Variants in DEPDC1 observed in about 807,000 individuals in gnomAD.
The protein encoded by DEPDC1 is DEP domain-containing protein 1A.
DEPDC1 carries 66 observed loss-of-function variants against 86.8 expected under a neutral mutation model. The ratio of observed to expected loss-of-function variants is 0.76; its 90% CI spans 0.62 to 0.93. The LOEUF is 0.93. Among genes scored for constraint, DEPDC1 ranks in the 40% least tolerant of loss-of-function variants. DEPDC1 has a pLI of 0.00. For synonymous variants in DEPDC1, 255 were observed against 314.9 expected (o/e 0.81, Z 2.02); for missense variants, 792 against 935.7 (o/e 0.85, Z 2.00).
rs1052656353 is a variant in DEPDC1, at chr1:68,488,603, A to T, written c.591-99T>A. The T allele has an allele frequency of 3.7e-6, 4 of 1,076,556 alleles. No homozygotes were observed. The African/African-American group carries it at 6.7e-5, about 18-fold the overall frequency. The allele number at this position is 1,076,556 out of a possible 1,614,324, so 66.7% of individuals were successfully genotyped here. A position where few individuals can be genotyped will look rare whatever the true frequency, so the allele number is the denominator to read the frequency against. ...AGCCATCAGAATATTTTATTTTTTT[A>T]ACCAAATTTCTAAGACTTATATTTA... On this transcript the variant is annotated intron_variant, in intron 4 of 11. Transcript: ENST00000456315.
At position 68,496,915 on chromosome 1, in the gene DEPDC1, G is replaced by A. The variant is rs1557624970; in HGVS notation, c.48+37C>T. On this transcript the variant is annotated intron_variant, in intron 1 of 11. Coordinates refer to ENST00000456315, the MANE Select transcript of DEPDC1 (RefSeq NM_001114120.3). This position sits in a 1 kb window ranked among gnomAD's most constrained non-coding sequence, Gnocchi z 4.0. ...CTGCGAACAGTGGTGACTGCCGTCA[G>A]CCCGCTGACCGGTCCCGTCTATCCG... 5.0e-6 allele frequency: 8 copies of A among 1,605,630 alleles called. No homozygotes were observed. Among genetic ancestry groups the A allele is most frequent in the Non-Finnish European group, 6.8e-6 (8 of 1,175,004 alleles).
At chr1:68,494,151 A>G (rs181628255) in intron 2 of DEPDC1, among the ~76,000 whole-genome samples, 1 of 152,360 alleles carries the variant, frequency 6.6e-6, no homozygotes, top group African/African-American at 2.4e-5. Context: ...TTAAAATGTT[A>G]TAAAGTGTTC....
intron 2 of DEPDC1, among the ~76,000 whole-genome samples, chr1:68,492,459 C>T (rs915356260): frequency 1.3e-5 from 2 of 152,062 alleles, no homozygotes; most frequent in African/African-American, 2.4e-5. Flanking sequence ...GTAATCCCAG[C>T]ACTTTGGAAG....
intron 5 of DEPDC1, among the ~76,000 whole-genome samples, chr1:68,488,077 C>T (rs1369309387): frequency 1.3e-5 from 2 of 151,802 alleles, no homozygotes; most frequent in African/African-American, 4.8e-5. Context: ...AGGCCCTCAA[C>T]AAAAATGTGC....
At chr1:68,495,423 G>T (rs1646258466) in intron 1 of DEPDC1, among the ~76,000 whole-genome samples, 2 of 152,058 alleles carry the variant, frequency 1.3e-5, no homozygotes, top group South Asian at 4.2e-4. Context: ...CTATGAATAG[G>T]TACTATTAAT....
At position 68,476,757 on chromosome 1, in the gene DEPDC1, T is replaced by A. The variant is rs1033088818; in HGVS notation, c.*175A>T. On this transcript the variant is annotated 3_prime_UTR_variant, in exon 12 of 12. Coordinates refer to ENST00000456315, the MANE Select transcript of DEPDC1 (RefSeq NM_001114120.3). The stretch of plus-strand genomic sequence containing the variant: ...TATTGTTATGTGCTCTCAATTGAGA[T>A]CTAGTTAGTTTCCTAAGAGTCTCAC... 24 of 536,394 alleles carry A rather than the reference T, an allele frequency of 4.5e-5. No individual in the cohort carries two copies. Among genetic ancestry groups the A allele is most frequent in the African/African-American group, 4.2e-4 (22 of 51,774 alleles). 33.2% of individuals were successfully genotyped at this position (536,394 alleles called of 1,614,324 possible).
chr1:68,491,298 G>C (rs1646227483), intron 2 of DEPDC1, among the ~76,000 whole-genome samples: 1 of 152,030 alleles, frequency 6.6e-6, no homozygotes, highest in Non-Finnish European at 1.5e-5. Context: ...CAAAGGTCTA[G>C]TATCCAGCAT....
At chr1:68,487,194 GA>G (rs1391552994) in intron 5 of DEPDC1, among the ~76,000 whole-genome samples, 1 of 151,854 alleles carries the variant, frequency 6.6e-6, no homozygotes, top group African/African-American at 2.4e-5. Flanking sequence ...GAAAAAGTCT[GA>G]AAAAATTATG....
chr1:68,482,551 C>G lies in DEPDC1; in HGVS notation c.1257G>C (p.Arg419Ser). ...MHDLSSNSKP[R>S]CCSLEGIVDV... ...CTACAATTCCTTCCAAAGAACAGCA[C>G]CTTGGTTTGCTGTTAGAGGATAGAT... is the stretch of plus-strand genomic sequence containing the variant. Residue 419 changes from arginine (R) to serine (S), a missense_variant, in exon 8 of 12, where the codon AGG (arginine) becomes AGC (serine). Arg to Ser is a moderately radical substitution (Grantham distance 110, BLOSUM62 -1). Coordinates refer to ENST00000456315, the MANE Select transcript of DEPDC1 (RefSeq NM_001114120.3). 1 of 1,613,148 alleles carries G rather than the reference C, an allele frequency of 6.2e-7. No homozygotes were observed. The highest frequency in any genetic ancestry group is 8.5e-7 in the Non-Finnish European group (1 of 1,179,350).
At chr1:68,485,164 TCACA>T (rs57417497) in intron 6 of DEPDC1, among the ~76,000 whole-genome samples, 73,836 of 149,330 alleles carry the variant, frequency 0.49, 19,036 homozygotes, top group Middle Eastern at 0.76. Context: ...AGAAAACAAT[TCACA>T]CACACACACA....
In DEPDC1 at chr1:68,496,906, C is replaced by T; in HGVS notation, c.48+46G>A. 2 of 1,576,292 alleles carry T rather than the reference C, an allele frequency of 1.3e-6. 1 individual carries two copies. Among genetic ancestry groups the T allele is most frequent in the South Asian group, 2.2e-5 (2 of 90,118 alleles). ...GAGGTAAAACTGCGAACAGTGGTGA[C>T]TGCCGTCAGCCCGCTGACCGGTCCC... On this transcript the variant is annotated intron_variant, in intron 1 of 11. Coordinates refer to ENST00000456315, the MANE Select transcript of DEPDC1 (RefSeq NM_001114120.3). This position sits in a 1 kb window ranked among gnomAD's most constrained non-coding sequence, Gnocchi z 4.0.
rs1443078957 is a variant in DEPDC1, at chr1:68,486,919, C to T, written c.769+18G>A. The T allele has an allele frequency of 2.8e-5, 43 of 1,544,220 alleles. No homozygotes were observed. Among genetic ancestry groups the T allele is most frequent in the Non-Finnish European group, 3.8e-5 (43 of 1,138,186 alleles). ...ACACACACACACACACACACACACA[C>T]ACATATATTTAACTTACAATTTGCT... On this transcript the variant is annotated intron_variant, in intron 6 of 11. Transcript: ENST00000456315.
At position 68,476,249 on chromosome 1, in the gene DEPDC1, A is replaced by G. The variant is rs1355543420; in HGVS notation, c.*683T>C. 2 of 151,846 alleles carry G rather than the reference A, an allele frequency of 1.3e-5. No individual in the cohort carries two copies. The highest frequency in any genetic ancestry group is 2.9e-5 in the Non-Finnish European group (2 of 67,818). The allele number at this position is 151,846 out of a possible 1,614,324, so 9.4% of individuals were successfully genotyped here. A position where few individuals can be genotyped will look rare whatever the true frequency, so the allele number is the denominator to read the frequency against. ...AAATAAATATCTTTTGAATGAATAT[A>G]TGATTGCCTTATACTTCTTTTATAT... is the stretch of plus-strand genomic sequence containing the variant. On this transcript the variant is annotated 3_prime_UTR_variant, in exon 12 of 12. Transcript: ENST00000456315.
Position 68,494,499 on chromosome 1 carries a change from T to C in DEPDC1, c.245A>G (p.Asn82Ser). Residue 82 changes from asparagine (N) to serine (S), a missense_variant, in exon 2 of 12, where the codon AAT becomes AGT. Physicochemically the swap from Asn to Ser is conservative, Grantham distance 46 (BLOSUM62 1). Coordinates refer to ENST00000456315, the MANE Select transcript of DEPDC1 (RefSeq NM_001114120.3). ...TIQLLRKFLK[N>S]HVIEDIKGRW... ...CCCTTTGATATCTTCAATTACATGATTCTTAAGAAATTTCCTCAACAGTTG... is the reference window on the plus strand; with the variant it reads ...CCCTTTGATATCTTCAATTACATGACTCTTAAGAAATTTCCTCAACAGTTG... The C allele has an allele frequency of 3.1e-6, 5 of 1,613,752 alleles. No homozygotes were observed. The highest frequency in any genetic ancestry group is 4.2e-6 in the Non-Finnish European group (5 of 1,179,746).
rs371960901 is a variant in DEPDC1 at position 68,487,028 on chromosome 1, T to TA, written c.722-45dup. 6 of 1,547,536 alleles carry TA rather than the reference T, an allele frequency of 3.9e-6. No individual in the cohort carries two copies. In the African/African-American group the frequency reaches 4.2e-5, roughly 11 times the overall value. ...ATTACTAAGTAAACCATACATTTTT[T>TA]ATGATAGTATATTTTAAAATATCAC... On this transcript the variant is annotated intron_variant, in intron 5 of 11. Coordinates refer to ENST00000456315, the MANE Select transcript of DEPDC1 (RefSeq NM_001114120.3).
At position 68,482,105 on chromosome 1, in the gene DEPDC1, G is replaced by A. The variant is rs1162547257; in HGVS notation, c.1703C>T (p.Thr568Ile). 1.9e-6 allele frequency: 3 copies of A among 1,608,064 alleles called. No homozygotes were observed. The South Asian group carries it at 3.3e-5, about 18-fold the overall frequency. Reference protein sequence around the residue: ...ATINKRLCKSTIELSENSLLP... With the variant: ...ATINKRLCKSIIELSENSLLP... ...TAAAGAATTTTCTGAAAGTTCTATT[G>A]TACTTTTGCAGAGTCTTTTATTGAT... Residue 568 changes from threonine (T) to isoleucine (I), a missense_variant, in exon 8 of 12, where the codon ACA becomes ATA. Transcript: ENST00000456315.
Position 68,481,566 on chromosome 1 carries a change from C to T in DEPDC1, c.1809G>A (p.Gln603=). 6.2e-7 allele frequency: 1 copy of T among 1,611,172 alleles called. No homozygotes were observed. Residue 603 remains glutamine, a synonymous_variant, in exon 9 of 12, where the codon CAG becomes CAA. Coordinates refer to ENST00000456315, the MANE Select transcript of DEPDC1 (RefSeq NM_001114120.3). ...GTGGGGGAAGTAACAAACAACATAACTGTAGAGCATCGATGGCAACCCTCT... is the reference window on the plus strand; with the variant it reads ...GTGGGGGAAGTAACAAACAACATAATTGTAGAGCATCGATGGCAACCCTCT... ...HLERVAIDAL[Q]LCCLLLPPPN...
At chr1:68,483,599 G>T in intron 7 of DEPDC1, 1 of 281,596 alleles carries the variant, frequency 3.6e-6, no homozygotes, top group Admixed American at 5.1e-5. Context: ...AGAAAGGGTA[G>T]AGAAACTCTG....
chr1:68,475,571 G>A lies in DEPDC1; in HGVS notation c.*1361C>T, dbSNP rs1317167552. 1 of 151,518 alleles carries A rather than the reference G, an allele frequency of 6.6e-6. No homozygotes were observed. Among genetic ancestry groups the A allele is most frequent in the African/African-American group, 2.4e-5 (1 of 41,192 alleles). 9.4% of individuals were successfully genotyped at this position (151,518 alleles called of 1,614,324 possible). A position where few individuals can be genotyped will look rare whatever the true frequency, so the allele number is the denominator to read the frequency against. On this transcript the variant is annotated 3_prime_UTR_variant, in exon 12 of 12. Transcript: ENST00000456315. ...ACAGTATGAAATTACATTGAGAAAT[G>A]AGAACAGTCATTAAACATTAAGATT...
Sources: gnomAD v4.1 joint callset for allele counts (sites outside exome capture counted in the v4.1 genomes callset) on GRCh38, gnomAD v4.1.1 for gene constraint, Gnocchi (gnomAD v3.1) non-coding constraint, MANE v1.5 for transcripts, NCBI Gene and HGNC (gene_info 2026-07-23, HGNC 2026-07-21) for gene names.